The following ETFA variants were observed in gnomAD, a reference collection of about 807,000 sequenced individuals.
ETFA encodes electron transfer flavoprotein subunit alpha.
A neutral mutation model predicts 46.2 loss-of-function variants in ETFA; 22 were observed. The observed-to-expected ratio is 0.48, with a 90% CI of 0.34 to 0.68. The LOEUF (loss-of-function observed/expected upper bound fraction) is 0.68. ETFA is among the 30% of genes least tolerant of loss of function. The pLI is 0.01. For synonymous variants in ETFA, 131 were observed against 139.9 expected (o/e 0.94, Z 0.45); for missense variants, 345 against 401.1 (o/e 0.86, Z 1.19).
chr15:76,226,663 G>A (rs899986417), intron 10 of ETFA, among the ~76,000 whole-genome samples: 1 of 152,178 alleles, frequency 6.6e-6, no homozygotes. Context: ...CAGATCACAA[G>A]GTCAGGAGAT....
intron 9 of ETFA, among the ~76,000 whole-genome samples, chr15:76,243,636 T>TA (rs2039214648): frequency 6.6e-6 from 1 of 151,832 alleles, no homozygotes; most frequent in Non-Finnish European, 1.5e-5. Context: ...CCGCCTCTGC[T>TA]AAAAATACAA....
chr15:76,303,348 C>T (rs780183138), intron 1 of ETFA, among the ~76,000 whole-genome samples: 8 of 151,906 alleles, frequency 5.3e-5, no homozygotes, highest in Non-Finnish European at 1.0e-4. Flanking sequence ...TGTAAGACCT[C>T]GAACTATAAA....
chr15:76,272,306 C>T (rs1029781891), intron 9 of ETFA, among the ~76,000 whole-genome samples: 4 of 151,662 alleles, frequency 2.6e-5, no homozygotes, highest in Admixed American at 6.6e-5. Context: ...CTGCAACCTC[C>T]GCCTCCTGGG....
intron 9 of ETFA, among the ~76,000 whole-genome samples, chr15:76,241,663 G>T (rs1283437898): frequency 6.6e-6 from 1 of 151,286 alleles, no homozygotes; most frequent in South Asian, 2.1e-4. Context: ...AGCCAGGCAT[G>T]GGGGGCGGGC....
intron 9 of ETFA, among the ~76,000 whole-genome samples, chr15:76,269,779 C>T (rs2039509888): frequency 6.6e-6 from 1 of 152,150 alleles, no homozygotes; most frequent in Non-Finnish European, 1.5e-5. Flanking sequence ...AAGGGAACCT[C>T]CTCAATTTGA....
intron 1 of ETFA, among the ~76,000 whole-genome samples, chr15:76,305,685 A>G (rs2039932370): frequency 6.6e-6 from 1 of 152,232 alleles, no homozygotes; most frequent in Non-Finnish European, 1.5e-5. Context: ...TTTCTTGAAA[A>G]TAATTTCCAC....
intron 8 of ETFA, among the ~76,000 whole-genome samples, chr15:76,275,100 C>T (rs548237018): frequency 6.6e-6 from 1 of 152,078 alleles, no homozygotes; most frequent in African/African-American, 2.4e-5. Context: ...CTTGAGTCAG[C>T]CAGGACTAAT....
chr15:76,291,222 C>A (rs1350462928), intron 4 of ETFA, among the ~76,000 whole-genome samples: 1 of 151,824 alleles, frequency 6.6e-6, no homozygotes, highest in African/African-American at 2.4e-5. Context: ...GCAGGCAGAT[C>A]ACCTGAGGTC....
At chr15:76,261,636 G>T (rs2039414525) in intron 9 of ETFA, 1 of 402,284 alleles carries the variant, frequency 2.5e-6, no homozygotes. Flanking sequence ...AGCCCCAGCT[G>T]CTGTGGCGGC....
chr15:76,296,819 C>A (rs2039829173), intron 1 of ETFA, among the ~76,000 whole-genome samples: 2 of 152,142 alleles, frequency 1.3e-5, no homozygotes, highest in African/African-American at 4.8e-5. Flanking sequence ...GGAAATTAGA[C>A]TTGTTCATAT....
chr15:76,283,119 CCACCAAA>C (rs2039671196), intron 8 of ETFA, among the ~76,000 whole-genome samples: 3 of 152,006 alleles, frequency 2.0e-5, no homozygotes, highest in African/African-American at 7.2e-5. Flanking sequence ...TATATTAAGA[CCACCAAA>C]AAAAAGATGA....
chr15:76,283,767 T>C lies in ETFA; in HGVS notation c.723A>G (p.Leu241=), dbSNP rs2141528126. 6.3e-7 allele frequency: 1 copy of C among 1,597,990 alleles called. No individual in the cohort carries two copies. The highest frequency in any genetic ancestry group is 8.6e-7 in the Non-Finnish European group (1 of 1,165,476). ...FKLLYDLADQ[L]HAAVGASRAA... ...GGAAAATAACTTTACCTGCAGCATG[T>C]AGTTGATCTGCCAAGTCATATAACA... Residue 241 remains leucine (L), a synonymous_variant, in exon 8 of 12, where the codon CTA becomes CTG. Coordinates refer to ENST00000557943, the MANE Select transcript of ETFA (RefSeq NM_000126.4).
intron 1 of ETFA, among the ~76,000 whole-genome samples, chr15:76,296,582 T>C (rs1381412492): frequency 6.6e-6 from 1 of 152,226 alleles, no homozygotes; most frequent in African/African-American, 2.4e-5. Flanking sequence ...AATGGAAATA[T>C]GTTTTTAAAA....
chr15:76,216,881 T>G (rs1006800260), intron 11 of ETFA, among the ~76,000 whole-genome samples: 2 of 135,264 alleles, frequency 1.5e-5, no homozygotes, highest in African/African-American at 2.9e-5. Flanking sequence ...GCTCTCACTC[T>G]GTCACCCAGG....
chr15:76,293,556 T>G (rs887671815), intron 2 of ETFA, among the ~76,000 whole-genome samples: 6 of 152,260 alleles, frequency 3.9e-5, no homozygotes, highest in African/African-American at 1.4e-4. Flanking sequence ...ATTTTCTATA[T>G]TCAGAAGGCA....
intron 9 of ETFA, among the ~76,000 whole-genome samples, chr15:76,239,739 A>G (rs1247621549): frequency 6.6e-6 from 1 of 152,042 alleles, no homozygotes; most frequent in Non-Finnish European, 1.5e-5. Flanking sequence ...AAAGATCCCT[A>G]AAACAAGATG....
rs942527662 is a variant in ETFA at position 76,252,638 on chromosome 15, C to T, written c.817-21240G>A. ...TAAGACTAAAGAGATGACAACTAAA[C>T]GCAATACTTGGCCCTAAAGTGGATT... On this transcript the variant is annotated intron_variant, in intron 9 of 11. Transcript: ENST00000557943. Among the ~76,000 whole-genome samples, 7 of 152,254 alleles carry T rather than the reference C, an allele frequency of 4.6e-5. No homozygotes were observed. In the South Asian group the frequency reaches 6.2e-4, roughly 14 times the overall value.
At chr15:76,264,093 T>C (rs1045699934) in intron 9 of ETFA, among the ~76,000 whole-genome samples, 2 of 152,166 alleles carry the variant, frequency 1.3e-5, no homozygotes, top group Admixed American at 6.5e-5. Flanking sequence ...GGACAGAATA[T>C]AGCTAATTGG....
chr15:76,294,642 A>C (rs62027018), intron 2 of ETFA, among the ~76,000 whole-genome samples: 43,440 of 152,018 alleles, frequency 0.29, 6,642 homozygotes, highest in East Asian at 0.58. Flanking sequence ...CTCTGCCACC[A>C]AGGTTCAAGT....
Sources: allele counts gnomAD v4.1 joint callset (sites outside exome capture counted in the v4.1 genomes callset), GRCh38; gene constraint gnomAD v4.1.1; transcripts MANE v1.5; gene names NCBI Gene and HGNC (gene_info 2026-07-23, HGNC 2026-07-21).